Variants in SNX29 observed in about 807,000 individuals in gnomAD.
SNX29 encodes sorting nexin-29.
Under a neutral mutation model 102.1 loss-of-function variants are expected in SNX29, and 78 were observed. That is an observed-to-expected ratio of 0.76 (90% CI 0.64 to 0.92). The LOEUF (loss-of-function observed/expected upper bound fraction) is 0.92. Among genes scored for constraint, SNX29 ranks in the 40% least tolerant of loss-of-function variants. The probability of loss-of-function intolerance (pLI) is 0.00; values close to 1 mark genes in which losing one functional copy is unlikely to be tolerated. For missense variants in SNX29, 1,280 were observed against 1,061.7 expected, an observed-to-expected ratio of 1.21 and a Z score of -2.86; for synonymous variants, 580 against 414.5, an observed-to-expected ratio of 1.40 and a Z score of -4.85.
chr16:12,013,542 TCGAG>T (rs2056750031), intron 3 of SNX29, among the ~76,000 whole-genome samples: 1 of 109,074 alleles, frequency 9.2e-6, no homozygotes, highest in African/African-American at 3.5e-5. Context: ...TATATATATA[TCGAG>T]AGAGGAGAAA....
intron 15 of SNX29, among the ~76,000 whole-genome samples, chr16:12,295,176 G>A (rs1206258782): frequency 6.6e-6 from 1 of 152,186 alleles, no homozygotes; most frequent in Non-Finnish European, 1.5e-5. Flanking sequence ...TGAGATTTGG[G>A]CCGGGGCACA....
intron 20 of SNX29, among the ~76,000 whole-genome samples, chr16:12,541,764 G>T (rs2077353243): frequency 6.6e-6 from 1 of 152,104 alleles, no homozygotes; most frequent in South Asian, 2.1e-4. Flanking sequence ...GCCTGATACT[G>T]ACCTGCGTTT....
rs2079220571 is a variant in SNX29 at position 12,573,021 on chromosome 16, T to C, written c.*4392T>C. On this transcript the variant is annotated 3_prime_UTR_variant, in exon 21 of 21. Transcript: ENST00000566228. ...GCTACTGTTAAATATTTGCTGTTTT[T>C]AGATTGGCGTCCGTGCTAATTCTGC... 7.2e-6 allele frequency: 2 copies of C among 277,368 alleles called. No individual in the cohort carries two copies. The highest frequency in any genetic ancestry group is 1.3e-5 in the Non-Finnish European group (2 of 159,556). 17.2% of individuals were successfully genotyped at this position (277,368 alleles called of 1,614,324 possible).
At chr16:12,255,649 G>A (rs555730655) in intron 14 of SNX29, among the ~76,000 whole-genome samples, 78 of 152,206 alleles carry the variant, frequency 5.1e-4, no homozygotes, top group African/African-American at 1.9e-3. Flanking sequence ...TGTGTGCCTG[G>A]TTGAGTTCAC....
At position 12,573,703 on chromosome 16, in the gene SNX29, G is replaced by T. The variant is rs748550436; in HGVS notation, c.*5074G>T. On this transcript the variant is annotated 3_prime_UTR_variant, in exon 21 of 21. Coordinates refer to ENST00000566228, the MANE Select transcript of SNX29 (RefSeq NM_032167.5). ...GGATGCCCTTGCAAAAATTGGGACT[G>T]AGGACAGTAGCACACGGAATGGTGG... 8.9e-6 allele frequency: 2 copies of T among 223,508 alleles called. No individual in the cohort carries two copies. Among genetic ancestry groups the T allele is most frequent in the Non-Finnish European group, 8.9e-6 (1 of 111,936 alleles). 13.8% of individuals were successfully genotyped at this position (223,508 alleles called of 1,614,324 possible).
At chr16:12,553,258 C>T (rs994035602) in intron 20 of SNX29, among the ~76,000 whole-genome samples, 2 of 152,220 alleles carry the variant, frequency 1.3e-5, no homozygotes, top group Non-Finnish European at 2.9e-5. Context: ...TTGTACAAGA[C>T]CACTGCCGCC....
intron 20 of SNX29, among the ~76,000 whole-genome samples, chr16:12,541,114 TGGAGGGGAGACACAG>T (rs949659436): frequency 3.2e-4 from 49 of 152,278 alleles, no homozygotes; most frequent in Middle Eastern, 3.4e-3. Context: ...AAAGCTGACT[TGGAGGGGAGACACAG>T]GGGGAGGTGA....
intron 8 of SNX29, chr16:12,052,566 A>G (rs1386707814): frequency 9.9e-6 from 3 of 304,302 alleles, no homozygotes; most frequent in Admixed American, 4.7e-5. Flanking sequence ...TTCTCTTTCT[A>G]TGGTATTGGG....
At chr16:12,088,352 T>C (rs1877577400) in intron 11 of SNX29, among the ~76,000 whole-genome samples, 1 of 152,088 alleles carries the variant, frequency 6.6e-6, no homozygotes, top group Non-Finnish European at 1.5e-5. Flanking sequence ...CCTTGTAAGC[T>C]CTGCAGGGTG....
chr16:12,355,233 CA>C (rs1567471074), intron 15 of SNX29, among the ~76,000 whole-genome samples: 1 of 152,022 alleles, frequency 6.6e-6, no homozygotes, highest in African/African-American at 2.4e-5. Context: ...CATACAACAA[CA>C]AAAAAAGAGG....
rs138054242 is a variant in SNX29 at position 11,979,523 on chromosome 16, G to C, written c.7+2710G>C. On this transcript the variant is annotated intron_variant, in intron 1 of 20. Transcript: ENST00000566228. Reference sequence around the variant, plus strand: ...GGTAACTGGTACACGATAAAATAAAGTGGCATGGAAATATTTCCTCTTTCT... The same window carrying C: ...GGTAACTGGTACACGATAAAATAAACTGGCATGGAAATATTTCCTCTTTCT... Among the ~76,000 whole-genome samples, 586 of 152,218 alleles carry C rather than the reference G, an allele frequency of 3.8e-3. 6 individuals carry two copies. Among genetic ancestry groups the C allele is most frequent in the Middle Eastern group, 3.4e-3 (1 of 294 alleles).
rs530023974 is a variant in SNX29, at chr16:12,088,260, G to A, written c.1402+9345G>A. The A allele has an allele frequency of 6.0e-5, 23 of 384,530 alleles. No individual in the cohort carries two copies. In the Admixed American group the frequency reaches 6.4e-4, roughly 11 times the overall value. 23.8% of individuals were successfully genotyped at this position (384,530 alleles called of 1,614,324 possible). A position where few individuals can be genotyped will look rare whatever the true frequency, so the allele number is the denominator to read the frequency against. On this transcript the variant is annotated intron_variant, in intron 11 of 20. Transcript: ENST00000566228. Reference sequence around the variant, plus strand: ...ACCTGCAGAAGGCTGCAGCGGGACCGGCTCTGCGGGGTCAGAGCAGGGGCG... The same window carrying A: ...ACCTGCAGAAGGCTGCAGCGGGACCAGCTCTGCGGGGTCAGAGCAGGGGCG...
chr16:12,496,011 G>A (rs1044680451), intron 19 of SNX29, among the ~76,000 whole-genome samples: 8 of 152,114 alleles, frequency 5.3e-5, no homozygotes, highest in African/African-American at 1.9e-4. Context: ...TCATGCCACT[G>A]CACTCCAGCC....
At chr16:12,132,402 C>T (rs1484186659) in intron 13 of SNX29, among the ~76,000 whole-genome samples, 1 of 152,026 alleles carries the variant, frequency 6.6e-6, no homozygotes, top group Non-Finnish European at 1.5e-5. Context: ...GCCTGGCCTC[C>T]GTGTCATTTA....
chr16:12,515,701 G>A lies in SNX29; in HGVS notation c.2179-9001G>A, dbSNP rs2089833543. On this transcript the variant is annotated intron_variant, in intron 19 of 20. Transcript: ENST00000566228. ...TGATGTATTCACGTATCTGCTTGTT[G>A]GCTCTACTGGATCTAAGCTCCGGAG... 3 of 452,566 alleles carry A rather than the reference G, an allele frequency of 6.6e-6. No homozygotes were observed. The East Asian group carries it at 1.6e-4, about 24-fold the overall frequency. The allele number at this position is 452,566 out of a possible 1,614,324, so 28.0% of individuals were successfully genotyped here. A position where few individuals can be genotyped will look rare whatever the true frequency, so the allele number is the denominator to read the frequency against.
intron 14 of SNX29, among the ~76,000 whole-genome samples, chr16:12,229,325 A>G (rs192759218): frequency 6.6e-6 from 1 of 152,364 alleles, no homozygotes; most frequent in East Asian, 1.9e-4. Context: ...GCATGAATGA[A>G]TAATGGAAAT....
At chr16:12,161,996 G>C (rs1156433599) in intron 13 of SNX29, among the ~76,000 whole-genome samples, 1 of 152,118 alleles carries the variant, frequency 6.6e-6, no homozygotes, top group African/African-American at 2.4e-5. Flanking sequence ...GTCGGCCCCC[G>C]AATCCCTCAC....
Position 12,535,024 on chromosome 16 carries a change from C to G in SNX29, c.2318+10183C>G, listed in dbSNP as rs150849855. Among the ~76,000 whole-genome samples the G allele has an allele frequency of 3.6e-3, 541 of 152,204 alleles. 1 individual carries two copies. Among genetic ancestry groups the G allele is most frequent in the African/African-American group, 0.012 (479 of 41,528 alleles). On this transcript the variant is annotated intron_variant, in intron 20 of 20. Transcript: ENST00000566228. ...CCAGACCTGGCCTGAGAAGCTGGCT[C>G]GTTGGGTCTTATAAAACCAGCTACA...
intron 14 of SNX29, among the ~76,000 whole-genome samples, chr16:12,274,628 C>G (rs141970495): frequency 1.3e-5 from 2 of 152,058 alleles, no homozygotes; most frequent in East Asian, 3.9e-4. Context: ...CCTCTGCCTC[C>G]GAGGCTCAAG....
Sources: gnomAD v4.1 joint callset for allele counts (sites outside exome capture counted in the v4.1 genomes callset) on GRCh38, gnomAD v4.1.1 for gene constraint, MANE v1.5 for transcripts, NCBI Gene and HGNC (gene_info 2026-07-23, HGNC 2026-07-21) for gene names.